SPOCK1: variants seen among roughly 807,000 people sequenced by gnomAD.
SPOCK1 encodes SPARC (osteonectin), cwcv and kazal like domains proteoglycan 1, also known as testican-1.
Under a neutral mutation model 55.3 loss-of-function variants are expected in SPOCK1, and 23 were observed. The observed-to-expected ratio is 0.42, with a 90% CI of 0.30 to 0.59. The LOEUF is 0.59. Ranked by LOEUF, SPOCK1 falls within the 20% of genes least tolerant of loss-of-function variation. The pLI, the probability that SPOCK1 is intolerant of heterozygous loss-of-function variation, is 0.22. For missense variants in SPOCK1, 499 were observed against 552.5 expected (o/e 0.90, Z 0.97); for synonymous variants, 226 against 221.0 (o/e 1.02, Z -0.20).
chr5:137,350,795 TTGTGTGTG>T lies in SPOCK1; in HGVS notation c.187-83748_187-83741del, dbSNP rs111548796. On this transcript the variant is annotated intron_variant, in intron 2 of 10. Coordinates refer to ENST00000394945, the MANE Select transcript of SPOCK1 (RefSeq NM_004598.4). ...AAAAGCAGGAAGGAATCATATAGGGTTGTGTGTGTGTGTGTGTGTGTGTCCACGCACGT... is the reference window on the plus strand; with the variant it reads ...AAAAGCAGGAAGGAATCATATAGGGTTGTGTGTGTGTGTGTCCACGCACGT... 2.0e-5 allele frequency among the ~76,000 whole-genome samples: 3 copies of T among 148,478 alleles called. No homozygotes were observed. The South Asian group carries it at 6.4e-4, about 32-fold the overall frequency.
At chr5:137,221,897 G>A (rs772083090) in intron 3 of SPOCK1, among the ~76,000 whole-genome samples, 1 of 152,194 alleles carries the variant, frequency 6.6e-6, no homozygotes, top group African/African-American at 2.4e-5. Flanking sequence ...CAGCATCTCA[G>A]GGAAGCAGCG....
intron 6 of SPOCK1, among the ~76,000 whole-genome samples, chr5:137,011,234 T>C (rs1376117567): frequency 6.6e-6 from 1 of 152,174 alleles, no homozygotes; most frequent in Non-Finnish European, 1.5e-5. Flanking sequence ...GAAACTTTAG[T>C]GCAATTGAGT....
At chr5:137,170,433 A>G (rs550123061) in intron 3 of SPOCK1, among the ~76,000 whole-genome samples, 2 of 152,250 alleles carry the variant, frequency 1.3e-5, no homozygotes, top group East Asian at 3.9e-4. Context: ...TGTCCCTCCC[A>G]AAATGTGTAT....
rs974915 is a variant in SPOCK1, at chr5:137,174,605, C to T, written c.233-33911G>A. 5.3e-5 allele frequency among the ~76,000 whole-genome samples: 8 copies of T among 152,352 alleles called. No homozygotes were observed. In the East Asian group the frequency reaches 1.4e-3, roughly 26 times the overall value. ...CTCTCATTCTGGACTCAGGTGTCTG[C>T]ATCCGTGGGGCAGAGATAAAAAGGA... is the stretch of plus-strand genomic sequence containing the variant. On this transcript the variant is annotated intron_variant, in intron 3 of 10. Coordinates refer to ENST00000394945, the MANE Select transcript of SPOCK1 (RefSeq NM_004598.4).
chr5:137,022,597 A>G (rs1751597680), intron 6 of SPOCK1, among the ~76,000 whole-genome samples: 1 of 152,314 alleles, frequency 6.6e-6, no homozygotes, highest in East Asian at 1.9e-4. Flanking sequence ...AGGATGTACA[A>G]TGAAGCCCTG....
chr5:136,993,394 G>A (rs1750984826), intron 6 of SPOCK1, among the ~76,000 whole-genome samples: 1 of 152,142 alleles, frequency 6.6e-6, no homozygotes, highest in Non-Finnish European at 1.5e-5. Flanking sequence ...GAAGGGAGTT[G>A]ACTTTCCCTA....
At chr5:137,230,103 C>T (rs1756020800) in intron 3 of SPOCK1, among the ~76,000 whole-genome samples, 1 of 152,222 alleles carries the variant, frequency 6.6e-6, no homozygotes, top group Non-Finnish European at 1.5e-5. Context: ...ACTAAGCTTG[C>T]CCCATCTTTC....
intron 2 of SPOCK1, among the ~76,000 whole-genome samples, chr5:137,332,921 G>C (rs966918323): frequency 9.2e-5 from 14 of 152,296 alleles, no homozygotes; most frequent in Admixed American, 4.6e-4. Context: ...CCAAGAGGGA[G>C]AGATGAGGTT....
intron 2 of SPOCK1, among the ~76,000 whole-genome samples, chr5:137,461,338 T>C (rs1417971263): frequency 6.6e-6 from 1 of 152,178 alleles, no homozygotes; most frequent in Non-Finnish European, 1.5e-5. Flanking sequence ...TTTTAAACCA[T>C]CTGCATCCAA....
At chr5:137,354,166 G>A (rs1750740536) in intron 2 of SPOCK1, among the ~76,000 whole-genome samples, 4 of 152,010 alleles carry the variant, frequency 2.6e-5, no homozygotes, top group Admixed American at 6.5e-5. Flanking sequence ...CCACTGCTGC[G>A]GGAAACCCAG....
At chr5:137,260,825 T>C (rs2127112513) in intron 3 of SPOCK1, among the ~76,000 whole-genome samples, 1 of 152,330 alleles carries the variant, frequency 6.6e-6, no homozygotes, top group Non-Finnish European at 1.5e-5. Flanking sequence ...GACTATCTTA[T>C]TGTCACAATG....
intron 2 of SPOCK1, among the ~76,000 whole-genome samples, chr5:137,383,138 C>T (rs1229740): frequency 0.3 from 45,055 of 152,012 alleles, 7,018 homozygotes; most frequent in Admixed American, 0.41. Context: ...AGATTAGTCA[C>T]TTAAGAGTTA....
chr5:137,027,726 A>T (rs1282035204), intron 6 of SPOCK1, among the ~76,000 whole-genome samples: 1 of 152,182 alleles, frequency 6.6e-6, no homozygotes. Flanking sequence ...ACCCCCTTGC[A>T]GAGCTTATCA....
chr5:137,332,995 C>G (rs928388264), intron 2 of SPOCK1, among the ~76,000 whole-genome samples: 2 of 152,146 alleles, frequency 1.3e-5, no homozygotes, highest in African/African-American at 4.8e-5. Context: ...ATGTCAAAAG[C>G]CAGAGCAGCA....
At chr5:137,491,777 A>C (rs952144348) in intron 2 of SPOCK1, among the ~76,000 whole-genome samples, 2 of 152,216 alleles carry the variant, frequency 1.3e-5, no homozygotes, top group Non-Finnish European at 2.9e-5. Flanking sequence ...GAGGCAATTC[A>C]AGTCAACAAA....
chr5:136,990,982 G>A (rs1750938482), intron 7 of SPOCK1, among the ~76,000 whole-genome samples: 1 of 152,084 alleles, frequency 6.6e-6, no homozygotes, highest in Non-Finnish European at 1.5e-5. Context: ...TTCCCCTTCA[G>A]AACTCCTAGA....
Position 137,190,421 on chromosome 5 carries a change from C to T in SPOCK1, c.233-49727G>A, listed in dbSNP as rs145149657. Reference sequence around the variant, plus strand: ...CTCCACTAGCAAAAAGACAATGACTCTCTGAAGGTTCAGATGATGGTTAGC... The same window carrying T: ...CTCCACTAGCAAAAAGACAATGACTTTCTGAAGGTTCAGATGATGGTTAGC... On this transcript the variant is annotated intron_variant, in intron 3 of 10. Transcript: ENST00000394945. Among the ~76,000 whole-genome samples, 38 of 152,296 alleles carry T rather than the reference C, an allele frequency of 2.5e-4. No individual in the cohort carries two copies. In the East Asian group the frequency reaches 6.9e-3, roughly 28 times the overall value.
chr5:137,425,481 A>G (rs1045046489), intron 2 of SPOCK1, among the ~76,000 whole-genome samples: 2 of 152,178 alleles, frequency 1.3e-5, no homozygotes, highest in African/African-American at 2.4e-5. Context: ...AGAATACCAC[A>G]TGCATTTTCT....
intron 3 of SPOCK1, among the ~76,000 whole-genome samples, chr5:137,214,485 C>T (rs550582756): frequency 6.6e-6 from 1 of 152,350 alleles, no homozygotes; most frequent in South Asian, 2.1e-4. Context: ...TCATGTTTAT[C>T]TGCTTCACCA....
Sources: allele counts gnomAD v4.1 joint callset (sites outside exome capture counted in the v4.1 genomes callset), GRCh38; gene constraint gnomAD v4.1.1; transcripts MANE v1.5; gene names NCBI Gene and HGNC (gene_info 2026-07-23, HGNC 2026-07-21).